The following COPG2 variants were observed in gnomAD, a reference collection of about 807,000 sequenced individuals.
COPG2 encodes coatomer subunit gamma-2.
COPG2 carries 37 observed loss-of-function variants against 46.3 expected under a neutral mutation model. The ratio of observed to expected loss-of-function variants is 0.80; its 90% CI spans 0.61 to 1.05. The LOEUF (loss-of-function observed/expected upper bound fraction) is 1.05, where lower values mean the gene tolerates loss of function less well. Among genes scored for constraint, COPG2 ranks in the 50% least tolerant of loss-of-function variants. The probability of loss-of-function intolerance (pLI) is 0.00; values close to 1 mark genes in which losing one functional copy is unlikely to be tolerated. For missense variants in COPG2, 427 were observed against 387.8 expected, an observed-to-expected ratio of 1.10 and a Z score of -0.85; for synonymous variants, 159 against 129.7, an observed-to-expected ratio of 1.23 and a Z score of -1.53.
chr7:130,578,012 T>C (rs1434314690), intron 9 of COPG2, among the ~76,000 whole-genome samples: 29 of 152,242 alleles, frequency 1.9e-4, no homozygotes, highest in Non-Finnish European at 3.8e-4. Context: ...CAAGGAGGCC[T>C]GCCTGCCTCT....
chr7:130,654,719 A>G (rs2116243717), intron 4 of COPG2, among the ~76,000 whole-genome samples: 1 of 152,250 alleles, frequency 6.6e-6, no homozygotes, highest in East Asian at 1.9e-4. Context: ...CAATAAAAAA[A>G]CTTCCAAAGT....
chr7:130,562,942 T>A (rs1793740645), intron 11 of COPG2, among the ~76,000 whole-genome samples: 1 of 152,220 alleles, frequency 6.6e-6, no homozygotes, highest in Admixed American at 6.5e-5. Flanking sequence ...TGGCTGTGAG[T>A]ACAAGAAGTG....
chr7:130,644,841 C>T (rs753798632), intron 5 of COPG2, among the ~76,000 whole-genome samples: 27 of 152,084 alleles, frequency 1.8e-4, no homozygotes, highest in Non-Finnish European at 2.9e-4. Context: ...GCAGGCAGAT[C>T]ACCTGAGGTC....
At chr7:130,602,078 A>C (rs1794644747) in intron 9 of COPG2, among the ~76,000 whole-genome samples, 1 of 152,234 alleles carries the variant, frequency 6.6e-6, no homozygotes, top group Admixed American at 6.5e-5. Context: ...ACCTTGAATC[A>C]AACTGGACAG....
At chr7:130,593,109 C>T (rs949216016) in intron 9 of COPG2, among the ~76,000 whole-genome samples, 8 of 152,182 alleles carry the variant, frequency 5.3e-5, no homozygotes, top group Non-Finnish European at 4.4e-5. Flanking sequence ...TGGCCATTTG[C>T]GCTTAATTAC....
chr7:130,518,515 A>G (rs1334356794), intron 20 of COPG2, among the ~76,000 whole-genome samples: 1 of 152,162 alleles, frequency 6.6e-6, no homozygotes, highest in Non-Finnish European at 1.5e-5. Flanking sequence ...ATACCTCAAG[A>G]GTATACCTTG....
intron 5 of COPG2, among the ~76,000 whole-genome samples, chr7:130,651,374 T>C (rs2116233601): frequency 6.6e-6 from 1 of 151,800 alleles, no homozygotes; most frequent in East Asian, 1.9e-4. Flanking sequence ...TGGAGTGCAG[T>C]GGCACGATCT....
intron 20 of COPG2, among the ~76,000 whole-genome samples, chr7:130,542,475 C>T (rs878936684): frequency 1.3e-5 from 2 of 151,874 alleles, no homozygotes; most frequent in African/African-American, 4.8e-5. Flanking sequence ...CTCAGTACAG[C>T]AGGTTGAGGA....
chr7:130,613,022 A>G (rs1794881315), intron 7 of COPG2, among the ~76,000 whole-genome samples: 1 of 152,146 alleles, frequency 6.6e-6, no homozygotes, highest in Non-Finnish European at 1.5e-5. Flanking sequence ...CAAACATACG[A>G]ACATTTTATG....
Position 130,525,914 on chromosome 7 carries a change from G to C in COPG2, c.2150-17255C>G, listed in dbSNP as rs1029082295. 1.1e-3 allele frequency among the ~76,000 whole-genome samples: 154 copies of C among 140,710 alleles called. 1 individual carries two copies. Among genetic ancestry groups the C allele is most frequent in the Middle Eastern group, 3.7e-3 (1 of 270 alleles). The allele number at this position is 140,710 out of a possible 152,430, so 92.3% of individuals were successfully genotyped here. ...AAGAAGGTCTTAAATTCTACACACG[G>C]GTGTTGTGAAGGTAGTGCAACCAAG... is the stretch of plus-strand genomic sequence containing the variant. On this transcript the variant is annotated intron_variant, in intron 20 of 23. Coordinates refer to ENST00000425248, the MANE Select transcript of COPG2 (RefSeq NM_012133.6).
intron 15 of COPG2, 33 bp downstream of exon 15, chr7:130,552,322 A>T (rs1793544191): frequency 5.1e-6 from 2 of 390,112 alleles, no homozygotes; most frequent in African/African-American, 2.1e-5. Context: ...TAGAATTCTT[A>T]TTTTTTTTTA....
chr7:130,550,674 C>A, intron 16 of COPG2, 25 bp from the exon 17 acceptor site: 1 of 395,720 alleles, frequency 2.5e-6, no homozygotes, highest in East Asian at 3.6e-5. Context: ...GAAATCTCAG[C>A]ATTATAACCT....
intron 20 of COPG2, among the ~76,000 whole-genome samples, chr7:130,542,721 C>A (rs1793356614): frequency 6.6e-6 from 1 of 152,058 alleles, no homozygotes; most frequent in Non-Finnish European, 1.5e-5. Flanking sequence ...CATTCTAAGG[C>A]AGTTATTGGG....
intron 12 of COPG2, among the ~76,000 whole-genome samples, chr7:130,559,479 T>C (rs1017807606): frequency 9.9e-5 from 15 of 152,224 alleles, no homozygotes; most frequent in African/African-American, 3.1e-4. Context: ...GGCCTAAAAA[T>C]AGGCACATTT....
chr7:130,604,061 C>T (rs1794685563), intron 9 of COPG2, among the ~76,000 whole-genome samples: 1 of 152,122 alleles, frequency 6.6e-6, no homozygotes, highest in Non-Finnish European at 1.5e-5. Context: ...TCATAAAGGT[C>T]TTCATCCTCA....
In COPG2 at chr7:130,520,319, TATAAAA is replaced by T. The variant is rs1419436979; in HGVS notation, c.2150-11666_2150-11661del. Reference sequence around the variant, plus strand: ...TTAAGCAACTGAGAAGACCTGTGTATATAAAAAAGAAAAAGGAAAAGGGAGAGGAGA... The same window carrying T: ...TTAAGCAACTGAGAAGACCTGTGTATAAGAAAAAGGAAAAGGGAGAGGAGA... On this transcript the variant is annotated intron_variant, in intron 20 of 23. Transcript: ENST00000425248. Among the ~76,000 whole-genome samples, 22 of 152,114 alleles carry T rather than the reference TATAAAA, an allele frequency of 1.4e-4. 1 individual carries two copies. The South Asian group carries it at 3.9e-3, about 27-fold the overall frequency.
intron 14 of COPG2, among the ~76,000 whole-genome samples, chr7:130,553,374 G>A (rs1001719305): frequency 6.6e-6 from 1 of 152,012 alleles, no homozygotes; most frequent in Admixed American, 6.6e-5. Context: ...AGAATAGGCA[G>A]GATATATGTG....
intron 9 of COPG2, among the ~76,000 whole-genome samples, chr7:130,603,494 T>C (rs925314465): frequency 2.0e-5 from 3 of 151,890 alleles, no homozygotes; most frequent in Non-Finnish European, 4.4e-5. Flanking sequence ...CCGAGGCAGG[T>C]GGATCACCTG....
chr7:130,657,204 A>C (rs183681439), intron 4 of COPG2, among the ~76,000 whole-genome samples: 1 of 152,206 alleles, frequency 6.6e-6, no homozygotes, highest in African/African-American at 2.4e-5. Flanking sequence ...GTGCCAATGT[A>C]ACTCAATCAT....
Sources: allele counts gnomAD v4.1 joint callset (sites outside exome capture counted in the v4.1 genomes callset), GRCh38; gene constraint gnomAD v4.1.1; transcripts MANE v1.5; gene names NCBI Gene and HGNC (gene_info 2026-07-23, HGNC 2026-07-21).